Variants in BRINP2 observed in about 807,000 individuals in gnomAD.
BRINP2 encodes BMP/retinoic acid inducible neural specific 2.
In BRINP2, 21 loss-of-function variants were observed where a neutral mutation model predicts 69.2. The ratio of observed to expected loss-of-function variants is 0.30; its 90% CI spans 0.22 to 0.44. The LOEUF is 0.44. BRINP2 is among the 20% of genes least tolerant of loss of function. The probability of loss-of-function intolerance (pLI) is 1.00; values close to 1 mark genes in which losing one functional copy is unlikely to be tolerated. For synonymous variants in BRINP2, 380 were observed against 394.1 expected, an observed-to-expected ratio of 0.96 and a Z score of 0.42; for missense variants, 877 against 986.0, an observed-to-expected ratio of 0.89 and a Z score of 1.48.
At chr1:177,263,963 G>A (rs112702773) in intron 4 of BRINP2, among the ~76,000 whole-genome samples, 1 of 152,134 alleles carries the variant, frequency 6.6e-6, no homozygotes, top group African/African-American at 2.4e-5. Context: ...ACTATGCTGA[G>A]TGATCTTATG....
At chr1:177,266,542 G>C (rs775324689) in intron 4 of BRINP2, among the ~76,000 whole-genome samples, 3 of 151,720 alleles carry the variant, frequency 2.0e-5, no homozygotes, top group Non-Finnish European at 4.4e-5. Flanking sequence ...GGCGGATCAC[G>C]AGGTCAGGAG....
chr1:177,230,951 G>GT (rs1422246727), intron 2 of BRINP2, among the ~76,000 whole-genome samples: 1 of 151,952 alleles, frequency 6.6e-6, no homozygotes, highest in Non-Finnish European at 1.5e-5. Context: ...TGCTGATTTT[G>GT]TTTCTTTGTT....
chr1:177,254,073 C>A (rs1004011693), intron 2 of BRINP2, among the ~76,000 whole-genome samples: 3 of 151,998 alleles, frequency 2.0e-5, no homozygotes, highest in African/African-American at 7.2e-5. Context: ...TAAATTTCAT[C>A]CCAAGACAAA....
chr1:177,257,310 G>A lies in BRINP2; in HGVS notation c.595G>A (p.Ala199Thr), dbSNP rs745381993. 2.9e-5 allele frequency: 47 copies of A among 1,613,910 alleles called. No individual in the cohort carries two copies. The highest frequency in any genetic ancestry group is 5.0e-5 in the Admixed American group (3 of 59,986). The change falls in exon 4 of 8, where the codon GCC (alanine) becomes ACC (threonine). Residue 199 changes from alanine to threonine, a missense_variant. Physicochemically the swap from Ala to Thr is moderately conservative, Grantham distance 58. Around this residue, in one of 3 missense-constraint regions of BRINP2, gnomAD observed 566 missense variants for 625.2 expected, o/e 0.91. Coordinates refer to ENST00000361539, the MANE Select transcript of BRINP2 (RefSeq NM_021165.4). ...CCTGGAGACCCTGCACCAGCTGGCC[G>A]CCTCCTACTTCATCGACAGAGAGAG... is the stretch of plus-strand genomic sequence containing the variant. The part of the protein sequence containing the change: ...VSLETLHQLA[A>T]SYFIDRESTL...
intron 1 of BRINP2, among the ~76,000 whole-genome samples, chr1:177,221,750 C>A (rs925970777): frequency 6.6e-6 from 1 of 152,166 alleles, no homozygotes; most frequent in Admixed American, 6.5e-5. Context: ...TCTCCAGGAT[C>A]CCATCCCTTC....
chr1:177,262,285 G>A (rs758843270), intron 4 of BRINP2, among the ~76,000 whole-genome samples: 2 of 151,846 alleles, frequency 1.3e-5, no homozygotes, highest in African/African-American at 2.4e-5. Context: ...AGGCCAAGGC[G>A]GGTGGATCAC....
At chr1:177,186,490 G>A (rs1269558452) in intron 1 of BRINP2, among the ~76,000 whole-genome samples, 1 of 152,038 alleles carries the variant, frequency 6.6e-6, no homozygotes, top group African/African-American at 2.4e-5. Context: ...TCCAATGTTT[G>A]CCACAGGAGC....
intron 1 of BRINP2, among the ~76,000 whole-genome samples, chr1:177,203,302 G>A (rs2102305125): frequency 1.3e-5 from 2 of 152,168 alleles, no homozygotes; most frequent in Middle Eastern, 3.4e-3. Flanking sequence ...CACAGGAAGG[G>A]GAACATCACA....
At chr1:177,232,187 G>C (rs1018661094) in intron 2 of BRINP2, among the ~76,000 whole-genome samples, 1 of 152,184 alleles carries the variant, frequency 6.6e-6, no homozygotes, top group Admixed American at 6.5e-5. Context: ...ACTTCAAGGA[G>C]CTGTAGAAAC....
intron 1 of BRINP2, among the ~76,000 whole-genome samples, chr1:177,173,907 CT>C (rs942302562): frequency 3.9e-5 from 6 of 152,272 alleles, no homozygotes; most frequent in African/African-American, 1.4e-4. Context: ...TTGAGGTTTC[CT>C]GGTTAGTGTT....
intron 4 of BRINP2, among the ~76,000 whole-genome samples, chr1:177,259,213 G>A (rs950670503): frequency 6.6e-6 from 1 of 152,150 alleles, no homozygotes; most frequent in Non-Finnish European, 1.5e-5. Flanking sequence ...GAGTGGTCTG[G>A]ATAGAAGATC....
chr1:177,268,085 G>A (rs370617431), intron 4 of BRINP2, among the ~76,000 whole-genome samples: 19 of 152,178 alleles, frequency 1.2e-4, no homozygotes, highest in African/African-American at 3.9e-4. Flanking sequence ...GAGACCTGAT[G>A]TGGCCTGTTC....
chr1:177,172,011 G>C (rs972943496), intron 1 of BRINP2, among the ~76,000 whole-genome samples: 1 of 152,166 alleles, frequency 6.6e-6, no homozygotes, highest in African/African-American at 2.4e-5. Context: ...CTTTTGCCTG[G>C]TTTAAGTCCT....
At chr1:177,199,233 A>C (rs1047811940) in intron 1 of BRINP2, among the ~76,000 whole-genome samples, 1 of 152,212 alleles carries the variant, frequency 6.6e-6, no homozygotes, top group Non-Finnish European at 1.5e-5. Context: ...ATTGTAGGCC[A>C]AATTTGAGGA....
chr1:177,258,523 T>C (rs1650842321), intron 4 of BRINP2, among the ~76,000 whole-genome samples: 1 of 152,240 alleles, frequency 6.6e-6, no homozygotes, highest in South Asian at 2.1e-4. Flanking sequence ...CTCATTTTGT[T>C]ATGGTTTGCT....
chr1:177,185,840 T>G (rs569893688), intron 1 of BRINP2, among the ~76,000 whole-genome samples: 1 of 152,130 alleles, frequency 6.6e-6, no homozygotes, highest in East Asian at 1.9e-4. Context: ...CTAGTAGCAG[T>G]GTTCTGGAAA....
At chr1:177,204,128 G>A (rs570231676) in intron 1 of BRINP2, among the ~76,000 whole-genome samples, 7 of 152,264 alleles carry the variant, frequency 4.6e-5, no homozygotes, top group Admixed American at 1.3e-4. Context: ...TGCATCCTAC[G>A]TTATAAGAAC....
rs1014374309 is a variant in BRINP2, at chr1:177,224,828, T to C, written c.-76-4973T>C. ...GACTTATATTGGTATTTATTAATGA[T>C]AATTAACATTAACAACCTTGTTACC... On this transcript the variant is annotated intron_variant, in intron 1 of 7. Transcript: ENST00000361539. 3.9e-5 allele frequency among the ~76,000 whole-genome samples: 6 copies of C among 152,374 alleles called. 1 individual carries two copies. The highest frequency in any genetic ancestry group is 6.8e-3 in the Middle Eastern group (2 of 294).
intron 1 of BRINP2, among the ~76,000 whole-genome samples, chr1:177,181,978 C>T (rs1291865209): frequency 1.3e-5 from 2 of 152,202 alleles, no homozygotes; most frequent in African/African-American, 2.4e-5. Context: ...AAGTACACTC[C>T]GGCAAGCTCG....
Sources: gnomAD v4.1 joint callset for allele counts (sites outside exome capture counted in the v4.1 genomes callset) on GRCh38, gnomAD v4.1.1 for gene constraint, gnomAD v4.1.1 regional missense constraint, MANE v1.5 for transcripts, NCBI Gene and HGNC (gene_info 2026-07-23, HGNC 2026-07-21) for gene names.